CALD1: variants seen among roughly 807,000 people sequenced by gnomAD.
The protein encoded by CALD1 is caldesmon.
Under a neutral mutation model 99.9 loss-of-function variants are expected in CALD1, and 33 were observed. The observed-to-expected ratio is 0.33, with a 90% CI of 0.25 to 0.44. The LOEUF is 0.44. Ranked by LOEUF, CALD1 falls within the 20% of genes least tolerant of loss-of-function variation. The pLI is 1.00. For synonymous variants in CALD1, 310 were observed against 325.0 expected (o/e 0.95, Z 0.50); for missense variants, 861 against 962.1 (o/e 0.89, Z 1.39).
intron 3 of CALD1, among the ~76,000 whole-genome samples, chr7:134,887,681 T>C (rs1233236288): frequency 1.3e-5 from 2 of 150,020 alleles, no homozygotes; most frequent in Non-Finnish European, 3.0e-5. Context: ...TGCATGCATG[T>C]GTGTGTATGT....
At chr7:134,924,333 CT>C (rs1804829141) in intron 3 of CALD1, among the ~76,000 whole-genome samples, 1 of 151,480 alleles carries the variant, frequency 6.6e-6, no homozygotes, top group Non-Finnish European at 1.5e-5. Context: ...GTGTGCGTTG[CT>C]TTTAAAATCC....
chr7:134,803,514 T>G (rs1366853380), intron 1 of CALD1, among the ~76,000 whole-genome samples: 1 of 152,148 alleles, frequency 6.6e-6, no homozygotes, highest in Non-Finnish European at 1.5e-5. Flanking sequence ...TTTGTTTTTA[T>G]GTTTAGATCT....
At chr7:134,936,879 A>G (rs1176790219) in intron 6 of CALD1, among the ~76,000 whole-genome samples, 1 of 152,240 alleles carries the variant, frequency 6.6e-6, no homozygotes, top group Non-Finnish European at 1.5e-5. Flanking sequence ...GTAAATGTTA[A>G]TAACAGGAAA....
chr7:134,739,315 T>C (rs578185060), upstream of CALD1, among the ~76,000 whole-genome samples: 13 of 152,326 alleles, frequency 8.5e-5, no homozygotes, highest in South Asian at 2.5e-3. Flanking sequence ...TTATCCAAGG[T>C]TACATTTACC....
At chr7:134,813,420 T>G (rs1353902298) in intron 1 of CALD1, among the ~76,000 whole-genome samples, 1 of 152,118 alleles carries the variant, frequency 6.6e-6, no homozygotes, top group Non-Finnish European at 1.5e-5. Flanking sequence ...ATAAGAGAGG[T>G]GACAATTGCT....
chr7:134,851,139 T>C (rs1800062975), intron 2 of CALD1, among the ~76,000 whole-genome samples: 1 of 152,202 alleles, frequency 6.6e-6, no homozygotes, highest in South Asian at 2.1e-4. Context: ...TGAGTCTGAA[T>C]GCTCATAGGG....
chr7:134,735,662 A>T, the CALD1 span, among the ~76,000 whole-genome samples: 1 of 151,104 alleles, frequency 6.6e-6, no homozygotes, highest in African/African-American at 2.4e-5. Context: ...TACTTATTCC[A>T]AGCACTATGA....
chr7:134,934,781 TG>T (rs780650239), intron 5 of CALD1, among the ~76,000 whole-genome samples: 13 of 152,252 alleles, frequency 8.5e-5, no homozygotes, highest in East Asian at 7.7e-4. Flanking sequence ...CTCAGGAGGC[TG>T]AGGCAGGAGA....
chr7:134,741,329 T>C (rs867387596), upstream of CALD1, among the ~76,000 whole-genome samples: 10 of 152,260 alleles, frequency 6.6e-5, no homozygotes, highest in Middle Eastern at 3.4e-3. Context: ...TATCGGATCT[T>C]GTGAGAACTC....
chr7:134,728,752 C>G, the CALD1 span, among the ~76,000 whole-genome samples: 1 of 151,974 alleles, frequency 6.6e-6, no homozygotes, highest in African/African-American at 2.4e-5. Flanking sequence ...CCCTATCGTT[C>G]TATCCCTTGA....
intron 1 of CALD1, among the ~76,000 whole-genome samples, chr7:134,794,341 G>A (rs1797665954): frequency 6.6e-6 from 1 of 152,204 alleles, no homozygotes; most frequent in Non-Finnish European, 1.5e-5. Flanking sequence ...GTTGAAAAAT[G>A]ATGAAAGCAT....
At chr7:134,855,358 C>T (rs1393683568) in intron 2 of CALD1, among the ~76,000 whole-genome samples, 1 of 152,178 alleles carries the variant, frequency 6.6e-6, no homozygotes, top group Non-Finnish European at 1.5e-5. Flanking sequence ...TTTTCTTTGG[C>T]TTCCTGTGTA....
chr7:134,891,330 T>G, intron 3 of CALD1: 1 of 1,148,766 alleles, frequency 8.7e-7, no homozygotes, highest in Non-Finnish European at 1.1e-6. Flanking sequence ...TCGCTAAACA[T>G]GATGGGCTTC....
intron 5 of CALD1, among the ~76,000 whole-genome samples, chr7:134,935,272 G>GA (rs1194933105): frequency 1.3e-5 from 2 of 151,908 alleles, no homozygotes; most frequent in East Asian, 3.9e-4. Flanking sequence ...CCTAAAAAAA[G>GA]AAAAAAAGAG....
intron 2 of CALD1, among the ~76,000 whole-genome samples, chr7:134,856,610 C>G (rs770724469): frequency 3.3e-5 from 5 of 152,166 alleles, no homozygotes; most frequent in Non-Finnish European, 7.4e-5. Flanking sequence ...TGATTCTCTT[C>G]TTTTCTTATT....
chr7:134,935,176 G>A (rs1326576047), intron 5 of CALD1, among the ~76,000 whole-genome samples: 1 of 152,120 alleles, frequency 6.6e-6, no homozygotes, highest in African/African-American at 2.4e-5. Context: ...GGAAATGTTT[G>A]TAAGCTTTGA....
chr7:134,764,373 A>G (rs551117949), intron 1 of CALD1, among the ~76,000 whole-genome samples: 4 of 152,302 alleles, frequency 2.6e-5, no homozygotes, highest in Non-Finnish European at 5.9e-5. Context: ...GTAGAGAAAA[A>G]GAGAAAAAAA....
At chr7:134,893,407 T>G (rs1802342163) in intron 3 of CALD1, among the ~76,000 whole-genome samples, 1 of 152,162 alleles carries the variant, frequency 6.6e-6, no homozygotes, top group Non-Finnish European at 1.5e-5. Context: ...AAAAACATTG[T>G]GGGGAAATAA....
At chr7:134,963,783 G>A (rs1488692111) in intron 13 of CALD1, among the ~76,000 whole-genome samples, 6 of 152,030 alleles carry the variant, frequency 3.9e-5, no homozygotes, top group South Asian at 2.1e-4. Flanking sequence ...TCAACTTCTC[G>A]CATGGGTTCA....
Sources: gnomAD v4.1 joint callset for allele counts (sites outside exome capture counted in the v4.1 genomes callset) on GRCh38, gnomAD v4.1.1 for gene constraint, MANE v1.5 for transcripts, NCBI Gene and HGNC (gene_info 2026-07-23, HGNC 2026-07-21) for gene names.